Variants in NINL observed in about 807,000 individuals in gnomAD.
NINL encodes the protein ninein-like protein.
In NINL, 153 loss-of-function variants were observed where a neutral mutation model predicts 160.3. That is an observed-to-expected ratio of 0.95 (90% CI 0.84 to 1.09). NINL has a LOEUF of 1.09. Among genes scored for constraint, NINL ranks in the 50% least tolerant of loss-of-function variants. The probability of loss-of-function intolerance (pLI) is 0.00; values close to 1 mark genes in which losing one functional copy is unlikely to be tolerated. For missense variants in NINL, 1,829 were observed against 1,764.0 expected, an observed-to-expected ratio of 1.04 and a Z score of -0.66; for synonymous variants, 800 against 734.8, an observed-to-expected ratio of 1.09 and a Z score of -1.43.
chr20:25,507,437 G>C (rs1001344137), intron 5 of NINL, among the ~76,000 whole-genome samples: 1 of 152,122 alleles, frequency 6.6e-6, no homozygotes, highest in Non-Finnish European at 1.5e-5. Flanking sequence ...ACAGACACTG[G>C]GTGTCCAGCA....
intron 3 of NINL, among the ~76,000 whole-genome samples, chr20:25,514,248 C>G (rs1029417926): frequency 1.1e-4 from 16 of 152,322 alleles, no homozygotes; most frequent in Non-Finnish European, 2.2e-4. Flanking sequence ...AGCAAAGAGC[C>G]TGGTGGCTTG....
intron 18 of NINL, among the ~76,000 whole-genome samples, chr20:25,468,557 G>T (rs1326599544): frequency 8.6e-3 from 877 of 102,206 alleles, no homozygotes; most frequent in African/African-American, 0.034. Context: ...TCTCACTGGT[G>T]CGCACCCCCC....
chr20:25,516,599 G>A (rs1165108813), intron 3 of NINL, among the ~76,000 whole-genome samples: 13 of 152,148 alleles, frequency 8.5e-5, no homozygotes, highest in African/African-American at 2.7e-4. Context: ...TCCTTGAGGT[G>A]CTTTGATATC....
chr20:25,564,021 C>T (rs757106625), intron 1 of NINL, among the ~76,000 whole-genome samples: 21 of 151,984 alleles, frequency 1.4e-4, no homozygotes, highest in Non-Finnish European at 2.6e-4. Flanking sequence ...GAGACCAACC[C>T]GAGCAACAAA....
At chr20:25,551,702 T>G (rs1007421221) in intron 1 of NINL, among the ~76,000 whole-genome samples, 1 of 152,234 alleles carries the variant, frequency 6.6e-6, no homozygotes, top group African/African-American at 2.4e-5. Context: ...AGCACCCGTA[T>G]GTTTTATATC....
At chr20:25,574,235 T>C (rs1342432730) in intron 1 of NINL, among the ~76,000 whole-genome samples, 1 of 152,236 alleles carries the variant, frequency 6.6e-6, no homozygotes, top group East Asian at 1.9e-4. Flanking sequence ...AGGAAAACTA[T>C]TCTCACTTGA....
At chr20:25,459,330 C>T (rs1183965186) in intron 21 of NINL, among the ~76,000 whole-genome samples, 1 of 152,120 alleles carries the variant, frequency 6.6e-6, no homozygotes, top group Non-Finnish European at 1.5e-5. Context: ...AGTCCCTGCA[C>T]TGACTCAGCC....
chr20:25,564,765 T>A (rs2147147888), intron 1 of NINL, among the ~76,000 whole-genome samples: 1 of 147,446 alleles, frequency 6.8e-6, no homozygotes, highest in East Asian at 2.0e-4. Context: ...TTCTAACATG[T>A]AAAGAGCCTG....
chr20:25,572,297 G>T (rs1467024697), intron 1 of NINL, among the ~76,000 whole-genome samples: 1 of 151,198 alleles, frequency 6.6e-6, no homozygotes, highest in African/African-American at 2.4e-5. Context: ...GAAAAAAAAC[G>T]GCCCCAGGAG....
chr20:25,585,458 G>A lies in NINL; in HGVS notation c.-15C>T, dbSNP rs1273394102. 6.6e-6 allele frequency: 1 copy of A among 152,190 alleles called. No homozygotes were observed. Among genetic ancestry groups the A allele is most frequent in the Non-Finnish European group, 1.5e-5 (1 of 68,058 alleles). The allele number at this position is 152,190 out of a possible 1,614,324, so 9.4% of individuals were successfully genotyped here. A position where few individuals can be genotyped will look rare whatever the true frequency, so the allele number is the denominator to read the frequency against. ...CCGGACGCCCGGGCCGGCTCACCTG[G>A]GAGGCGCCTCCGCCGTCCGCCCGCG... On this transcript the variant is annotated 5_prime_UTR_variant, in exon 1 of 24. Transcript: ENST00000278886.
chr20:25,454,431 C>T (rs7270835), intron 23 of NINL, among the ~76,000 whole-genome samples: 61,612 of 151,808 alleles, frequency 0.41, 13,569 homozygotes, highest in East Asian at 0.92. Context: ...GCTGGCGAGA[C>T]GGGCAACTGA....
In NINL at chr20:25,526,549, C is replaced by A; in HGVS notation, c.39G>T (p.Arg13Ser). The A allele has an allele frequency of 6.2e-7, 1 of 1,614,190 alleles. No individual in the cohort carries two copies. The highest frequency in any genetic ancestry group is 8.5e-7 in the Non-Finnish European group (1 of 1,180,030). ...EEENHYVSQL[R>S]EVYSSCDTTG... The stretch of plus-strand genomic sequence containing the variant: ...TGGTGTCGCAGCTGCTGTAGACTTC[C>A]CTGAGCTGCGAGACATAGTGGTTCT... The change falls in exon 2 of 24, where the codon AGG (arginine) becomes AGT (serine). Residue 13 changes from arginine (R) to serine (S), a missense_variant. Coordinates refer to ENST00000278886, the MANE Select transcript of NINL (RefSeq NM_025176.6).
chr20:25,566,715 G>A lies in NINL; in HGVS notation c.-12+18740C>T, dbSNP rs2065002762. The stretch of plus-strand genomic sequence containing the variant: ...AGGCCAAGGCAGGAGGCTTGCTGGA[G>A]CCCAGGAGTTTGAGGCTGCAGTGAG... On this transcript the variant is annotated intron_variant, in intron 1 of 23. Transcript: ENST00000278886. Among the ~76,000 whole-genome samples the A allele has an allele frequency of 2.0e-5, 3 of 152,244 alleles. No individual in the cohort carries two copies. In the South Asian group the frequency reaches 6.2e-4, roughly 32 times the overall value.
chr20:25,472,537 CT>C (rs113318349), intron 17 of NINL, among the ~76,000 whole-genome samples: 2,341 of 126,832 alleles, frequency 0.018, 51 homozygotes, highest in African/African-American at 0.055. Flanking sequence ...GAAAATATTT[CT>C]TTTTTTTTTT....
intron 8 of NINL, among the ~76,000 whole-genome samples, 173 bp from the exon 9 acceptor site, chr20:25,498,519 C>T (rs1008143956): frequency 2.6e-5 from 4 of 152,218 alleles, no homozygotes; most frequent in Non-Finnish European, 5.9e-5. Flanking sequence ...CTCCATCCCA[C>T]GCAACTCTGG....
chr20:25,575,342 G>C (rs988111419), intron 1 of NINL, among the ~76,000 whole-genome samples: 2 of 151,140 alleles, frequency 1.3e-5, no homozygotes, highest in Non-Finnish European at 2.9e-5. Context: ...AGCTACTCCA[G>C]AGGTTGAGGC....
chr20:25,489,853 G>C, intron 12 of NINL, 22 bp downstream of exon 12: 2 of 1,608,760 alleles, frequency 1.2e-6, no homozygotes, highest in African/African-American at 2.7e-5. Flanking sequence ...TCTGGAGGCA[G>C]ACTGTCAGCA....
intron 1 of NINL, among the ~76,000 whole-genome samples, chr20:25,576,934 G>T (rs1164090559): frequency 6.6e-6 from 1 of 152,206 alleles, no homozygotes; most frequent in Non-Finnish European, 1.5e-5. Flanking sequence ...ACAGAGCAAG[G>T]CCTGGCTGGT....
chr20:25,513,282 C>T (rs1156794046), intron 3 of NINL, among the ~76,000 whole-genome samples: 1 of 152,176 alleles, frequency 6.6e-6, no homozygotes, highest in East Asian at 1.9e-4. Context: ...GCATATTTTG[C>T]TTTTATGTAA....
Sources: allele counts gnomAD v4.1 joint callset (sites outside exome capture counted in the v4.1 genomes callset), GRCh38; gene constraint gnomAD v4.1.1; transcripts MANE v1.5; gene names NCBI Gene and HGNC (gene_info 2026-07-23, HGNC 2026-07-21).